BCR: variants seen among roughly 807,000 people sequenced by gnomAD.
The protein encoded by BCR is BCR activator of RhoGEF and GTPase, also known as breakpoint cluster region protein.
BCR carries 58 observed loss-of-function variants against 138.6 expected under a neutral mutation model. The ratio of observed to expected loss-of-function variants is 0.42; its 90% CI spans 0.34 to 0.52. BCR has a LOEUF of 0.52. BCR is among the 20% of genes least tolerant of loss of function. The pLI is 0.06. For synonymous variants in BCR, 786 were observed against 730.1 expected (o/e 1.08, Z -1.23); for missense variants, 1,599 against 1,727.2 (o/e 0.93, Z 1.32).
chr22:23,209,818 TG>T (rs758509110), intron 1 of BCR, among the ~76,000 whole-genome samples: 5 of 152,162 alleles, frequency 3.3e-5, no homozygotes, highest in Non-Finnish European at 5.9e-5. Flanking sequence ...TTTTTAGAGA[TG>T]GGGTCTTGCT....
chr22:23,235,848 G>A (rs1217060639), intron 1 of BCR, among the ~76,000 whole-genome samples: 3 of 152,166 alleles, frequency 2.0e-5, no homozygotes, highest in Admixed American at 2.0e-4. Flanking sequence ...GATGGGGGCT[G>A]TCTCTGGGGT....
chr22:23,240,823 C>T (rs778551176), intron 1 of BCR, among the ~76,000 whole-genome samples: 16 of 152,130 alleles, frequency 1.1e-4, no homozygotes, highest in East Asian at 1.9e-4. Flanking sequence ...CTCCACTAAA[C>T]GCTAACTCCC....
intron 8 of BCR, among the ~76,000 whole-genome samples, chr22:23,279,760 A>C (rs1203305938): frequency 2.6e-5 from 4 of 152,202 alleles, no homozygotes; most frequent in Non-Finnish European, 4.4e-5. Flanking sequence ...GAAGTTTTCC[A>C]GCATCTCCAT....
intron 1 of BCR, among the ~76,000 whole-genome samples, chr22:23,203,469 A>T (rs1395040741): frequency 6.6e-6 from 1 of 152,180 alleles, no homozygotes; most frequent in Admixed American, 6.5e-5. Flanking sequence ...TTCATTCCAG[A>T]GAAGCAGAAT....
chr22:23,245,081 G>A (rs2073141229), intron 1 of BCR, among the ~76,000 whole-genome samples: 2 of 152,204 alleles, frequency 1.3e-5, no homozygotes, highest in South Asian at 2.1e-4. Flanking sequence ...AAAATCGCCA[G>A]CAAAGTTGAC....
chr22:23,311,939 T>G, intron 19 of BCR, 103 bp downstream of exon 19: 1 of 1,495,306 alleles, frequency 6.7e-7, no homozygotes, highest in Non-Finnish European at 9.0e-7. Flanking sequence ...TCCTTCTCTG[T>G]GTCTTTTCTT....
chr22:23,288,678 T>G (rs1319090660), intron 12 of BCR, among the ~76,000 whole-genome samples: 1 of 152,080 alleles, frequency 6.6e-6, no homozygotes. Context: ...GCATTCACAC[T>G]GTGCTGGCCC....
Position 23,265,215 on chromosome 22 carries a change from C to G in BCR, c.1753-3193C>G, listed in dbSNP as rs181076670. 2.0e-5 allele frequency among the ~76,000 whole-genome samples: 3 copies of G among 152,330 alleles called. No individual in the cohort carries two copies. The East Asian group carries it at 5.8e-4, about 29-fold the overall frequency. ...CTGGAGGCCTTGAGCTACCTTCATG[C>G]GTCAGATGATGCAGCCGGAAGACTC... On this transcript the variant is annotated intron_variant, in intron 4 of 22. Transcript: ENST00000305877.
In BCR at chr22:23,292,627, A is replaced by C. The variant is rs1482969188; in HGVS notation, c.2869A>C (p.Asn957His). 1.2e-6 allele frequency: 2 copies of C among 1,611,444 alleles called. No homozygotes were observed. ...TRVYRDTAEP[N>H]WNEEFEIELE... ...CGTCTACAGGGACACAGCTGAGCCA[A>C]ACTGGAACGAGGTGAGGAACTGATT... The change falls in exon 15 of 23, where the codon AAC becomes CAC. Residue 957 changes from asparagine (N) to histidine (H), a missense_variant. Physicochemically the swap from Asn to His is moderately conservative, Grantham distance 68. Transcript: ENST00000305877.
At chr22:23,203,702 C>G (rs1398644209) in intron 1 of BCR, among the ~76,000 whole-genome samples, 2 of 152,208 alleles carry the variant, frequency 1.3e-5, no homozygotes, top group Non-Finnish European at 2.9e-5. Context: ...AGGGAAAGAA[C>G]TTACTGTCCC....
chr22:23,188,707 T>C (rs145921627), intron 1 of BCR, among the ~76,000 whole-genome samples: 13 of 152,186 alleles, frequency 8.5e-5, no homozygotes, highest in African/African-American at 3.1e-4. Flanking sequence ...AAATTAACTA[T>C]GAACCCCAGG....
At chr22:23,214,946 A>G (rs1473398276) in intron 1 of BCR, among the ~76,000 whole-genome samples, 2 of 152,170 alleles carry the variant, frequency 1.3e-5, no homozygotes, top group East Asian at 3.9e-4. Context: ...CATCTTCCCC[A>G]GACTGAAGGT....
chr22:23,195,919 C>G (rs946358547), intron 1 of BCR, among the ~76,000 whole-genome samples: 6 of 152,004 alleles, frequency 3.9e-5, no homozygotes, highest in Non-Finnish European at 7.4e-5. Flanking sequence ...TAAATAAATA[C>G]CACTGCTTTT....
intron 10 of BCR, among the ~76,000 whole-genome samples, chr22:23,286,039 A>G (rs2073707630): frequency 1.3e-5 from 2 of 152,166 alleles, no homozygotes; most frequent in South Asian, 4.1e-4. Context: ...GTGTGGTTCC[A>G]TTACATGGGT....
chr22:23,184,092 G>T (rs1204087216), intron 1 of BCR, among the ~76,000 whole-genome samples: 4 of 152,040 alleles, frequency 2.6e-5, no homozygotes, highest in Admixed American at 2.6e-4. Flanking sequence ...TGTTTTGTTT[G>T]TTTTTTGTTT....
intron 4 of BCR, chr22:23,264,085 G>A (rs1255513161): frequency 1.0e-5 from 14 of 1,345,318 alleles, no homozygotes; most frequent in South Asian, 4.7e-5. Context: ...TGGGACTGCC[G>A]CACCAGTGTC....
Position 23,290,301 on chromosome 22 carries a change from G to A in BCR, c.2708-38G>A, listed in dbSNP as rs776282115. 198 of 1,594,426 alleles carry A rather than the reference G, an allele frequency of 1.2e-4. 2 individuals are homozygous for A. In the Middle Eastern group the frequency reaches 2.2e-3, roughly 17 times the overall value. On this transcript the variant is annotated intron_variant, in intron 13 of 22. Transcript: ENST00000305877. ...AGCTTGTCACCTGCCTCCCTTTCCC[G>A]GGACAACAGAAGCTGACCTCTTTGA...
intron 1 of BCR, among the ~76,000 whole-genome samples, chr22:23,233,219 C>T (rs1428412379): frequency 6.6e-6 from 1 of 152,184 alleles, no homozygotes; most frequent in Non-Finnish European, 1.5e-5. Flanking sequence ...TGCCTGGATG[C>T]TCGGTTCTTG....
At chr22:23,244,955 A>T (rs1302721987) in intron 1 of BCR, among the ~76,000 whole-genome samples, 2 of 152,186 alleles carry the variant, frequency 1.3e-5, no homozygotes, top group Non-Finnish European at 2.9e-5. Flanking sequence ...CCTTGGAGAC[A>T]GGGGATGGTC....
Sources: allele counts gnomAD v4.1 joint callset (sites outside exome capture counted in the v4.1 genomes callset), GRCh38; gene constraint gnomAD v4.1.1; transcripts MANE v1.5; gene names NCBI Gene and HGNC (gene_info 2026-07-23, HGNC 2026-07-21).